The following MDGA2 variants were observed in gnomAD, a reference collection of about 807,000 sequenced individuals.
MDGA2 encodes MAM domain-containing glycosylphosphatidylinositol anchor protein 2.
A neutral mutation model predicts 117.8 loss-of-function variants in MDGA2; 40 were observed. The observed-to-expected ratio is 0.34, with a 90% CI of 0.26 to 0.44. The LOEUF is 0.44. MDGA2 is among the 20% of genes least tolerant of loss of function. The pLI, the probability that MDGA2 is intolerant of heterozygous loss-of-function variation, is 1.00. For synonymous variants in MDGA2, 452 were observed against 439.0 expected (o/e 1.03, Z -0.37); for missense variants, 1,123 against 1,250.6 (o/e 0.90, Z 1.54).
chr14:47,279,333 C>G (rs900865406), intron 2 of MDGA2, among the ~76,000 whole-genome samples: 1 of 152,018 alleles, frequency 6.6e-6, no homozygotes, highest in African/African-American at 2.4e-5. Context: ...TTAGATTAAG[C>G]TAGTTTTGGT....
intron 1 of MDGA2, among the ~76,000 whole-genome samples, chr14:47,524,057 G>A (rs1894923261): frequency 6.6e-6 from 1 of 152,042 alleles, no homozygotes; most frequent in African/African-American, 2.4e-5. Flanking sequence ...CAGTTTAAAG[G>A]TGCTTTTAAA....
At chr14:46,970,300 A>G (rs1385381699) in intron 8 of MDGA2, among the ~76,000 whole-genome samples, 1 of 152,062 alleles carries the variant, frequency 6.6e-6, no homozygotes, top group Non-Finnish European at 1.5e-5. Context: ...TCAAAATATA[A>G]TATAATACAA....
chr14:47,129,701 C>G (rs2139142493), intron 5 of MDGA2, among the ~76,000 whole-genome samples: 1 of 146,444 alleles, frequency 6.8e-6, no homozygotes, highest in East Asian at 2.0e-4. Context: ...AGTTTACAGT[C>G]CCACCAACAG....
chr14:46,870,042 C>A (rs1881934887), intron 14 of MDGA2, among the ~76,000 whole-genome samples: 1 of 151,884 alleles, frequency 6.6e-6, no homozygotes, highest in Non-Finnish European at 1.5e-5. Flanking sequence ...GAGCCAAAGG[C>A]ACTCAGTTGA....
intron 2 of MDGA2, among the ~76,000 whole-genome samples, chr14:47,236,705 C>A (rs1886877847): frequency 6.6e-6 from 1 of 152,100 alleles, no homozygotes; most frequent in Non-Finnish European, 1.5e-5. Context: ...TGTCTTTATA[C>A]ATTAGCAAAG....
intron 1 of MDGA2, among the ~76,000 whole-genome samples, chr14:47,551,332 G>T (rs185492431): frequency 1.3e-5 from 2 of 152,226 alleles, no homozygotes; most frequent in African/African-American, 4.8e-5. Context: ...ACTGAAGCCT[G>T]TTCTTTGCCT....
At chr14:47,231,256 A>G (rs563392102) in intron 2 of MDGA2, among the ~76,000 whole-genome samples, 12 of 152,196 alleles carry the variant, frequency 7.9e-5, no homozygotes, top group African/African-American at 2.6e-4. Context: ...CAAATTATTT[A>G]TTAATGCATC....
intron 8 of MDGA2, among the ~76,000 whole-genome samples, chr14:47,005,130 T>C (rs1445951790): frequency 2.6e-5 from 4 of 151,602 alleles, no homozygotes; most frequent in African/African-American, 9.7e-5. Context: ...GAACCTCTAG[T>C]AGGTTAATGA....
intron 9 of MDGA2, among the ~76,000 whole-genome samples, chr14:46,945,653 C>T (rs963724911): frequency 2.6e-5 from 4 of 151,988 alleles, no homozygotes; most frequent in African/African-American, 9.7e-5. Flanking sequence ...TAAACTTAGC[C>T]AGAAATCCAT....
chr14:47,037,386 A>T (rs1197973923), intron 7 of MDGA2, among the ~76,000 whole-genome samples: 1 of 152,240 alleles, frequency 6.6e-6, no homozygotes, highest in African/African-American at 2.4e-5. Flanking sequence ...ACAAAAACTA[A>T]CTTATAGCAG....
At position 47,119,997 on chromosome 14, in the gene MDGA2, G is replaced by A. The variant is rs983223659; in HGVS notation, c.925+11717C>T. On this transcript the variant is annotated intron_variant, in intron 5 of 16. Transcript: ENST00000399232. ...AAATTACCTCTATTTGGTCATTTCAGAACTACAAACATTTGCCAGCAAAAC... is the reference window on the plus strand; with the variant it reads ...AAATTACCTCTATTTGGTCATTTCAAAACTACAAACATTTGCCAGCAAAAC... Among the ~76,000 whole-genome samples, 14 of 152,154 alleles carry A rather than the reference G, an allele frequency of 9.2e-5. No homozygotes were observed. In the East Asian group the frequency reaches 1.9e-3, roughly 21 times the overall value.
At chr14:47,230,381 A>T (rs1487959652) in intron 2 of MDGA2, among the ~76,000 whole-genome samples, 3 of 151,960 alleles carry the variant, frequency 2.0e-5, no homozygotes, top group Admixed American at 6.6e-5. Context: ...AAATTTAGCC[A>T]AACTATACCA....
intron 1 of MDGA2, among the ~76,000 whole-genome samples, chr14:47,410,170 T>C (rs1892343532): frequency 9.8e-6 from 1 of 101,916 alleles, no homozygotes; most frequent in African/African-American, 3.8e-5. Flanking sequence ...GCCTATAAGT[T>C]AATCTTTGGA....
At chr14:47,200,833 C>T (rs1189873534) in intron 3 of MDGA2, 17 of 811,200 alleles carry the variant, frequency 2.1e-5, no homozygotes, top group Non-Finnish European at 3.3e-5. Context: ...CAGGAGCCAC[C>T]ATCCATTTTT....
intron 5 of MDGA2, among the ~76,000 whole-genome samples, chr14:47,101,418 C>T (rs1302559968): frequency 6.6e-6 from 1 of 152,118 alleles, no homozygotes; most frequent in Non-Finnish European, 1.5e-5. Context: ...TCAGTGGGTC[C>T]AAGAGAGGAA....
At chr14:47,176,885 T>C (rs1234914225) in intron 3 of MDGA2, among the ~76,000 whole-genome samples, 1 of 151,742 alleles carries the variant, frequency 6.6e-6, no homozygotes, top group East Asian at 1.9e-4. Context: ...TGGGAGAAAA[T>C]TTTCGCAACC....
intron 1 of MDGA2, among the ~76,000 whole-genome samples, chr14:47,416,340 G>A (rs1298514337): frequency 6.6e-6 from 1 of 152,142 alleles, no homozygotes; most frequent in Non-Finnish European, 1.5e-5. Flanking sequence ...GGTCCTGAGT[G>A]AGTCCAAAAC....
At chr14:47,297,709 C>T (rs1245621987) in intron 2 of MDGA2, among the ~76,000 whole-genome samples, 1 of 152,068 alleles carries the variant, frequency 6.6e-6, no homozygotes, top group Non-Finnish European at 1.5e-5. Context: ...TAGTTCTATT[C>T]CTTGCAAGCT....
intron 1 of MDGA2, among the ~76,000 whole-genome samples, chr14:47,304,367 C>T (rs1052265705): frequency 6.6e-6 from 1 of 152,108 alleles, no homozygotes; most frequent in Admixed American, 6.6e-5. Context: ...TTACTTGATG[C>T]TGTCTATTTA....
Sources: allele counts gnomAD v4.1 joint callset (sites outside exome capture counted in the v4.1 genomes callset), GRCh38; gene constraint gnomAD v4.1.1; transcripts MANE v1.5; gene names NCBI Gene and HGNC (gene_info 2026-07-23, HGNC 2026-07-21).